The following KMT5A variants were observed in gnomAD, a reference collection of about 807,000 sequenced individuals.
The protein encoded by KMT5A is lysine methyltransferase 5A, also known as N-lysine methyltransferase KMT5A.
Under a neutral mutation model 40.6 loss-of-function variants are expected in KMT5A, and 6 were observed. The ratio of observed to expected loss-of-function variants is 0.15; its 90% confidence interval spans 0.08 to 0.29. KMT5A has a LOEUF of 0.29. Ranked by LOEUF, KMT5A falls within the 10% of genes least tolerant of loss-of-function variation. The pLI is 1.00. For synonymous variants in KMT5A, 153 were observed against 178.8 expected, an observed-to-expected ratio of 0.86 and a Z score of 1.15; for missense variants, 308 against 459.1, an observed-to-expected ratio of 0.67 and a Z score of 3.01.
At position 123,407,743 on chromosome 12, in the gene KMT5A, T is replaced by G. The variant is rs1409640925; in HGVS notation, c.*40T>G. 8 of 1,539,166 alleles carry G rather than the reference T, an allele frequency of 5.2e-6. No homozygotes were observed. The highest frequency in any genetic ancestry group is 7.1e-6 in the Non-Finnish European group (8 of 1,126,554). On this transcript the variant is annotated 3_prime_UTR_variant, in exon 8 of 8. Transcript: ENST00000402868. ...GCCCTCCCCGCCCCACTTTCCCTTC[T>G]TCAAAGGACAAAGTGCCCTCAAAGG...
At chr12:123,403,961 C>T (rs1379862603) in intron 6 of KMT5A, among the ~76,000 whole-genome samples, 1 of 152,080 alleles carries the variant, frequency 6.6e-6, no homozygotes, top group Non-Finnish European at 1.5e-5. Flanking sequence ...TTCATCCTCC[C>T]AAATGGAAAC....
intron 3 of KMT5A, among the ~76,000 whole-genome samples, chr12:123,393,641 G>C (rs1039698839): frequency 1.3e-5 from 2 of 152,076 alleles, no homozygotes; most frequent in African/African-American, 4.8e-5. Flanking sequence ...CCAGGTTCAA[G>C]CTATTCTCCT....
At chr12:123,396,275 T>A (rs1877715679) in intron 4 of KMT5A, 70 bp from the exon 5 acceptor site, 1 of 1,462,824 alleles carries the variant, frequency 6.8e-7, no homozygotes, top group Non-Finnish European at 9.5e-7. Flanking sequence ...GGTGTGTGCC[T>A]TCTAAGGAGC....
intron 4 of KMT5A, 128 bp from the exon 5 acceptor site, chr12:123,396,217 A>G: frequency 1.2e-6 from 1 of 809,014 alleles, no homozygotes; most frequent in Non-Finnish European, 2.0e-6. Context: ...GCTCCAGTGG[A>G]CAAAGGTGTT....
In KMT5A at chr12:123,408,036, A is replaced by G. The variant is rs928399918; in HGVS notation, c.*333A>G. On this transcript the variant is annotated 3_prime_UTR_variant, in exon 8 of 8. Transcript: ENST00000402868. ...TAGAGGAAATAGTCAAACATGAACT[A>G]GGAAGCCAGGTGAGTCTCCTTTCTC... 8 of 260,002 alleles carry G rather than the reference A, an allele frequency of 3.1e-5. No individual in the cohort carries two copies. The highest frequency in any genetic ancestry group is 5.2e-5 in the Admixed American group (1 of 19,370). 16.1% of individuals were successfully genotyped at this position (260,002 alleles called of 1,614,324 possible). A position where few individuals can be genotyped will look rare whatever the true frequency, so the allele number is the denominator to read the frequency against.
At chr12:123,391,440 C>T (rs1877313528) in intron 3 of KMT5A, 1 of 152,342 alleles carries the variant, frequency 6.6e-6, no homozygotes, top group African/African-American at 2.4e-5. Context: ...GGTGATCCAC[C>T]TGCCTTGGCC....
At chr12:123,392,396 G>A (rs1002907390) in intron 3 of KMT5A, among the ~76,000 whole-genome samples, 4 of 152,108 alleles carry the variant, frequency 2.6e-5, no homozygotes, top group Non-Finnish European at 4.4e-5. Flanking sequence ...GGTGGCTCGG[G>A]TTTGTAATTC....
In KMT5A at chr12:123,384,360, T is replaced by A. The variant is rs1876737434; in HGVS notation, c.10+152T>A. On this transcript the variant is annotated intron_variant, in intron 1 of 7. Coordinates refer to ENST00000402868, the MANE Select transcript of KMT5A (RefSeq NM_020382.7). This position sits in a 1 kb window ranked among gnomAD's most constrained non-coding sequence, Gnocchi z 5.7. ...CGCGTGGGGGGAGAGGGGGTGCTGC[T>A]GCGGAACCCGCCGGCCCCCCCTTGC... 1 of 1,071,662 alleles carries A rather than the reference T, an allele frequency of 9.3e-7. No homozygotes were observed. The allele number at this position is 1,071,662 out of a possible 1,614,324, so 66.4% of individuals were successfully genotyped here. A position where few individuals can be genotyped will look rare whatever the true frequency, so the allele number is the denominator to read the frequency against.
In KMT5A at chr12:123,409,169, A is replaced by ACCCCCG. The variant is rs1878832271; in HGVS notation, c.*1471_*1472insGCCCCC. 1.4e-5 allele frequency: 2 copies of ACCCCCG among 142,562 alleles called. No homozygotes were observed. The highest frequency in any genetic ancestry group is 3.1e-5 in the Non-Finnish European group (2 of 65,190). The allele number at this position is 142,562 out of a possible 1,614,324, so 8.8% of individuals were successfully genotyped here. A position where few individuals can be genotyped will look rare whatever the true frequency, so the allele number is the denominator to read the frequency against. ...GCTACCTAAGAAAGTCTTCCCTCCC[A>ACCCCCG]CCCCCCGCTAGCCTGGTCAGTGGTC... On this transcript the variant is annotated 3_prime_UTR_variant, in exon 8 of 8. Transcript: ENST00000402868.
At chr12:123,404,701 G>A (rs558139285) in intron 6 of KMT5A, among the ~76,000 whole-genome samples, 183 bp from the exon 7 acceptor site, 7 of 152,154 alleles carry the variant, frequency 4.6e-5, no homozygotes, top group South Asian at 2.1e-4. Flanking sequence ...CTGTAGTGAC[G>A]GTTGCACAGC....
intron 7 of KMT5A, among the ~76,000 whole-genome samples, chr12:123,406,665 G>T (rs1404591274): frequency 1.3e-5 from 2 of 151,940 alleles, no homozygotes; most frequent in African/African-American, 4.8e-5. Context: ...ATTTCCTCCT[G>T]TGCCTCCATA....
At chr12:123,393,787 C>T (rs1371243378) in intron 3 of KMT5A, among the ~76,000 whole-genome samples, 1 of 152,154 alleles carries the variant, frequency 6.6e-6, no homozygotes, top group African/African-American at 2.4e-5. Flanking sequence ...GGGGAGCCAC[C>T]CTGCCCAGCC....
Position 123,396,325 on chromosome 12 carries a change from C to T in KMT5A, c.510-20C>T, listed in dbSNP as rs779661668. 4 of 1,611,182 alleles carry T rather than the reference C, an allele frequency of 2.5e-6. No individual in the cohort carries two copies. In the Admixed American group the frequency reaches 5.0e-5, roughly 20 times the overall value. On this transcript the variant is annotated intron_variant, in intron 4 of 7. Transcript: ENST00000402868. ...TTTTCAGTCCTGATATTTATTTTCT[C>T]CTCTTCCCCTCTTACCCAGAGCTCA...
chr12:123,389,595 C>G (rs1011338113), intron 2 of KMT5A, 41 bp downstream of exon 2: 6 of 1,062,174 alleles, frequency 5.6e-6, no homozygotes, highest in Non-Finnish European at 6.8e-6. Flanking sequence ...GCGCGCCCGC[C>G]GGGCCGGGGC....
intron 1 of KMT5A, 43 bp from the exon 2 acceptor site, chr12:123,389,390 C>T (rs1877100724): frequency 9.7e-7 from 1 of 1,030,734 alleles, no homozygotes; most frequent in South Asian, 4.5e-5. Flanking sequence ...CCGCCGCGCC[C>T]TGAGCGCCCC....
chr12:123,398,230 C>T (rs1323206977), intron 5 of KMT5A, among the ~76,000 whole-genome samples: 4 of 151,642 alleles, frequency 2.6e-5, no homozygotes, highest in East Asian at 3.9e-4. Context: ...TGCAGTGAGC[C>T]GAGATCGCGC....
In KMT5A at chr12:123,390,704, C is replaced by A. The variant is rs146638825; in HGVS notation, c.207C>A (p.Pro69=). The change falls in exon 3 of 8, where the codon CCC becomes CCA. Residue 69 remains proline (P), a synonymous_variant. Transcript: ENST00000402868. ...ACAAATGCTCTGGAATGCGTTTCCC[C>A]CTTCAGGAAGAGAACTCAGTTACAC... ...SPNKCSGMRF[P]LQEENSVTHH... 1.5e-5 allele frequency: 25 copies of A among 1,613,812 alleles called. No homozygotes were observed. In the Admixed American group the frequency reaches 2.2e-4, roughly 14 times the overall value.
intron 1 of KMT5A, among the ~76,000 whole-genome samples, chr12:123,385,509 A>G (rs764397719): frequency 3.3e-5 from 5 of 152,230 alleles, no homozygotes; most frequent in Non-Finnish European, 2.9e-5. Flanking sequence ...ATTAATTAAT[A>G]TATGAAGAAA....
rs531466810 is a variant in KMT5A at position 123,386,562 on chromosome 12, A to G, written c.10+2354A>G. Among the ~76,000 whole-genome samples the G allele has an allele frequency of 2.6e-5, 4 of 152,304 alleles. No individual in the cohort carries two copies. In the South Asian group the frequency reaches 6.2e-4, roughly 24 times the overall value. On this transcript the variant is annotated intron_variant, in intron 1 of 7. Coordinates refer to ENST00000402868, the MANE Select transcript of KMT5A (RefSeq NM_020382.7). The stretch of plus-strand genomic sequence containing the variant: ...CAAATCATTTACAGCACTTCAAATG[A>G]ACAGTCTTTTTCTTCTAGAAAATTG...
Sources: gnomAD v4.1 joint callset for allele counts (sites outside exome capture counted in the v4.1 genomes callset) on GRCh38, gnomAD v4.1.1 for gene constraint, Gnocchi (gnomAD v3.1) non-coding constraint, MANE v1.5 for transcripts, NCBI Gene and HGNC (gene_info 2026-07-23, HGNC 2026-07-21) for gene names.